Variants in AFAP1L1 observed in about 807,000 individuals in gnomAD.
AFAP1L1 encodes actin filament associated protein 1 like 1.
A neutral mutation model predicts 99.8 loss-of-function variants in AFAP1L1; 77 were observed. The ratio of observed to expected loss-of-function variants is 0.77; its 90% CI spans 0.64 to 0.93. The LOEUF (loss-of-function observed/expected upper bound fraction) is 0.93. Among genes scored for constraint, AFAP1L1 ranks in the 40% least tolerant of loss-of-function variants. The probability of loss-of-function intolerance (pLI) is 0.00; values close to 1 mark genes in which losing one functional copy is unlikely to be tolerated. For synonymous variants in AFAP1L1, 373 were observed against 395.3 expected, an observed-to-expected ratio of 0.94 and a Z score of 0.67; for missense variants, 893 against 996.8, an observed-to-expected ratio of 0.90 and a Z score of 1.40.
At chr5:149,307,818 T>TTCTCTCTCTG (rs557717575) in intron 7 of AFAP1L1, among the ~76,000 whole-genome samples, 45 of 100,570 alleles carry the variant, frequency 4.5e-4, no homozygotes, top group Admixed American at 1.6e-3. Flanking sequence ...GTGCCTCTCT[T>TTCTCTCTCTG]TCTCTCTCTC....
intron 18 of AFAP1L1, among the ~76,000 whole-genome samples, chr5:149,338,823 C>T (rs1757478928): frequency 6.6e-6 from 1 of 152,134 alleles, no homozygotes; most frequent in Non-Finnish European, 1.5e-5. Flanking sequence ...GAGGGAGAAA[C>T]CCATGCAGGG....
At chr5:149,321,865 C>T (rs761564868) in intron 14 of AFAP1L1, among the ~76,000 whole-genome samples, 1 of 151,758 alleles carries the variant, frequency 6.6e-6, no homozygotes, top group Non-Finnish European at 1.5e-5. Context: ...CATGGCAAAA[C>T]CCTGTCTCTA....
chr5:149,289,918 G>C (rs575236324), intron 1 of AFAP1L1, among the ~76,000 whole-genome samples: 1 of 152,166 alleles, frequency 6.6e-6, no homozygotes, highest in Non-Finnish European at 1.5e-5. Context: ...GTGTAAGTGG[G>C]GGTAATCCAC....
chr5:149,278,147 C>A (rs1394953130), intron 1 of AFAP1L1, among the ~76,000 whole-genome samples: 1 of 152,152 alleles, frequency 6.6e-6, no homozygotes, highest in South Asian at 2.1e-4. Context: ...CTTCTCATAC[C>A]CTTCTTAATC....
chr5:149,300,465 G>C, intron 3 of AFAP1L1, 111 bp downstream of exon 3: 1 of 907,682 alleles, frequency 1.1e-6, no homozygotes, highest in South Asian at 1.7e-5. Context: ...TCATTAAGTC[G>C]CTTTGGGCCA....
chr5:149,343,625 T>C lies in AFAP1L1; in HGVS notation c.*3595T>C, dbSNP rs756066702. ...CAAGGAAGCAAAAGAAATAAAATAC[T>C]AAGAAACTAAAAGGGTGCTGGACAC... On this transcript the variant is annotated 3_prime_UTR_variant, in exon 19 of 19. Transcript: ENST00000296721. 2.8e-4 allele frequency among the ~76,000 whole-genome samples: 42 copies of C among 152,180 alleles called. No homozygotes were observed. Among genetic ancestry groups the C allele is most frequent in the Non-Finnish European group, 4.4e-4 (30 of 68,034 alleles).
chr5:149,288,999 A>G (rs1440785236), intron 1 of AFAP1L1, among the ~76,000 whole-genome samples: 1 of 152,162 alleles, frequency 6.6e-6, no homozygotes, highest in Non-Finnish European at 1.5e-5. Flanking sequence ...GCATCAAAGA[A>G]TGGTACTCTA....
intron 16 of AFAP1L1, among the ~76,000 whole-genome samples, 192 bp from the exon 17 acceptor site, chr5:149,332,503 G>A (rs56036758): frequency 0.044 from 6,710 of 152,280 alleles, 206 homozygotes; most frequent in Non-Finnish European, 0.065. Context: ...AGAACATAAT[G>A]AGACCTCATC....
chr5:149,317,444 A>C (rs936227976), intron 11 of AFAP1L1, among the ~76,000 whole-genome samples: 2 of 152,140 alleles, frequency 1.3e-5, no homozygotes, highest in Non-Finnish European at 2.9e-5. Context: ...AAGGCAAAAG[A>C]GTTGTGTTTT....
intron 9 of AFAP1L1, among the ~76,000 whole-genome samples, chr5:149,314,356 G>C (rs939577760): frequency 6.6e-6 from 1 of 152,168 alleles, no homozygotes; most frequent in Non-Finnish European, 1.5e-5. Flanking sequence ...AGGGGAAGAA[G>C]AAGCAAGCTT....
At chr5:149,296,258 T>A (rs1756013195) in intron 1 of AFAP1L1, among the ~76,000 whole-genome samples, 1 of 152,200 alleles carries the variant, frequency 6.6e-6, no homozygotes, top group African/African-American at 2.4e-5. Context: ...GATCTCAAAT[T>A]CCTGAGCTCA....
intron 1 of AFAP1L1, among the ~76,000 whole-genome samples, chr5:149,283,957 G>A (rs1465322900): frequency 6.6e-6 from 1 of 152,200 alleles, no homozygotes; most frequent in Non-Finnish European, 1.5e-5. Flanking sequence ...GTGAAACTTG[G>A]TCACCGATGC....
At chr5:149,298,624 G>C (rs1013917353) in intron 1 of AFAP1L1, among the ~76,000 whole-genome samples, 1 of 152,220 alleles carries the variant, frequency 6.6e-6, no homozygotes, top group Non-Finnish European at 1.5e-5. Context: ...TAAATGCTTA[G>C]TGGGTTGCAA....
chr5:149,290,190 G>A (rs1755808867), intron 1 of AFAP1L1, among the ~76,000 whole-genome samples: 1 of 152,198 alleles, frequency 6.6e-6, no homozygotes, highest in Non-Finnish European at 1.5e-5. Context: ...CTGAAATGGT[G>A]CCACTGCACT....
chr5:149,292,926 T>C (rs900837085), intron 1 of AFAP1L1, among the ~76,000 whole-genome samples: 1 of 152,170 alleles, frequency 6.6e-6, no homozygotes, highest in Non-Finnish European at 1.5e-5. Flanking sequence ...CTAGAAGATA[T>C]TGTCTCCTCA....
chr5:149,322,696 A>C lies in AFAP1L1; in HGVS notation c.1789A>C (p.Lys597Gln), dbSNP rs761648741. ...EKSHRVDPQV[K>Q]VKRHASSANQ... ...GTCCCATCGTGTGGACCCGCAGGTC[A>C]AAGTCAAACGCCACGCCTCCAGTGA... Residue 597 changes from lysine to glutamine, a missense_variant, in exon 15 of 19, where the codon AAA becomes CAA. Lys to Gln is a moderately conservative substitution (Grantham distance 53, BLOSUM62 1). Transcript: ENST00000296721. 6.3e-7 allele frequency: 1 copy of C among 1,588,000 alleles called. No individual in the cohort carries two copies. The highest frequency in any genetic ancestry group is 1.8e-5 in the Admixed American group (1 of 56,828).
In AFAP1L1 at chr5:149,310,048, G is replaced by A; in HGVS notation, c.840G>A (p.Lys280=). The change falls in exon 8 of 19, where the codon AAG becomes AAA. Residue 280 remains lysine (K), a synonymous_variant. Transcript: ENST00000296721. ...IIYVPKDSRH[K]RHELRFTQGA... Reference sequence around the variant, plus strand: ...ACGTGCCCAAGGACAGCCGGCACAAGAGGCACGAGCTGCGTTTCACCCAGG... The same window carrying A: ...ACGTGCCCAAGGACAGCCGGCACAAAAGGCACGAGCTGCGTTTCACCCAGG... The A allele has an allele frequency of 1.2e-6, 2 of 1,614,244 alleles. No individual in the cohort carries two copies. The highest frequency in any genetic ancestry group is 1.1e-5 in the South Asian group (1 of 91,082).
intron 1 of AFAP1L1, among the ~76,000 whole-genome samples, chr5:149,273,677 CAGAG>C (rs763594948): frequency 2.6e-4 from 39 of 152,182 alleles, no homozygotes; most frequent in Non-Finnish European, 4.4e-4. Flanking sequence ...GGAGGAAAAA[CAGAG>C]AGAAGAGGCA....
chr5:149,333,876 C>A (rs1336696753), intron 17 of AFAP1L1, among the ~76,000 whole-genome samples: 1 of 152,126 alleles, frequency 6.6e-6, no homozygotes, highest in Non-Finnish European at 1.5e-5. Flanking sequence ...CTCTATTATT[C>A]TTCCTCATAG....
Sources: gnomAD v4.1 joint callset for allele counts (sites outside exome capture counted in the v4.1 genomes callset) on GRCh38, gnomAD v4.1.1 for gene constraint, MANE v1.5 for transcripts, NCBI Gene and HGNC (gene_info 2026-07-23, HGNC 2026-07-21) for gene names.